DNAH3: variants seen among roughly 807,000 people sequenced by gnomAD.
DNAH3 encodes axonemal beta dynein heavy chain 3.
Under a neutral mutation model 432.5 loss-of-function variants are expected in DNAH3, and 332 were observed. The observed-to-expected ratio is 0.77, with a 90% confidence interval of 0.70 to 0.84. The LOEUF is 0.84. Among genes scored for constraint, DNAH3 ranks in the 40% least tolerant of loss-of-function variants. The pLI is 0.00. For missense variants in DNAH3, 4,861 were observed against 5,114.0 expected (o/e 0.95, Z 1.51); for synonymous variants, 1,956 against 1,900.2 (o/e 1.03, Z -0.76).
chr16:21,051,977 C>CTATTT (rs139853718), intron 28 of DNAH3, 109 bp from the exon 29 acceptor site: 48,261 of 815,126 alleles, frequency 0.059, 2,567 homozygotes, highest in South Asian at 0.1. Flanking sequence ...ATTCTCCAAA[C>CTATTT]TATTTTATTT....
intron 37 of DNAH3, among the ~76,000 whole-genome samples, chr16:21,027,805 G>C (rs992116363): frequency 1.3e-5 from 2 of 152,226 alleles, no homozygotes; most frequent in African/African-American, 4.8e-5. Flanking sequence ...GAAGAATCGA[G>C]AAGTTATCAG....
intron 41 of DNAH3, chr16:21,019,264 C>A: frequency 4.2e-6 from 1 of 236,174 alleles, no homozygotes; most frequent in Non-Finnish European, 8.3e-6. Context: ...TCAAGCAATC[C>A]TCCTGCCTCA....
chr16:21,152,916 C>T (rs1384148428), intron 1 of DNAH3, among the ~76,000 whole-genome samples: 2 of 152,244 alleles, frequency 1.3e-5, no homozygotes. Context: ...CGAGCCTCCC[C>T]GACGAGCGCC....
At chr16:21,155,621 C>CAAA (rs369001374) in intron 1 of DNAH3, among the ~76,000 whole-genome samples, 91 of 76,460 alleles carry the variant, frequency 1.2e-3, no homozygotes, top group African/African-American at 2.3e-3. Context: ...GACTCCGTCT[C>CAAA]AAAAAAAAAA....
At chr16:21,147,353 G>A (rs1597491572) in intron 1 of DNAH3, among the ~76,000 whole-genome samples, 1 of 151,572 alleles carries the variant, frequency 6.6e-6, no homozygotes, top group Non-Finnish European at 1.5e-5. Flanking sequence ...CCAAGAAGCT[G>A]GATGGGTGCC....
intron 27 of DNAH3, among the ~76,000 whole-genome samples, chr16:21,055,922 G>C (rs1179889869): frequency 6.6e-6 from 1 of 152,022 alleles, no homozygotes; most frequent in Non-Finnish European, 1.5e-5. Context: ...ACTATTTGTA[G>C]AGATGGGGTC....
intron 41 of DNAH3, among the ~76,000 whole-genome samples, chr16:21,005,336 TTTCC>T (rs995464196): frequency 1.8e-4 from 25 of 139,200 alleles, no homozygotes; most frequent in African/African-American, 6.2e-4. Context: ...TCCTTCCTTC[TTTCC>T]TTCCTTCCTT....
chr16:20,955,157 CTGGG>C, intron 54 of DNAH3, 100 bp from the exon 55 acceptor site: 1 of 1,236,726 alleles, frequency 8.1e-7, no homozygotes, highest in South Asian at 1.8e-5. Flanking sequence ...ACAGACCAGC[CTGGG>C]TAACATGGTA....
intron 53 of DNAH3, among the ~76,000 whole-genome samples, chr16:20,960,436 A>G (rs765461582): frequency 2.0e-5 from 3 of 152,222 alleles, no homozygotes; most frequent in African/African-American, 7.2e-5. Context: ...CTGCAATCCC[A>G]GCACTTTGGG....
intron 1 of DNAH3, among the ~76,000 whole-genome samples, chr16:21,149,341 C>T (rs1324279718): frequency 6.6e-6 from 1 of 152,152 alleles, no homozygotes; most frequent in Non-Finnish European, 1.5e-5. Context: ...TTATTATCTA[C>T]AAATCCACTT....
chr16:21,021,445 G>A (rs2088215019), intron 40 of DNAH3, among the ~76,000 whole-genome samples: 1 of 151,972 alleles, frequency 6.6e-6, no homozygotes, highest in South Asian at 2.1e-4. Context: ...GGAATGATGG[G>A]GTAATTTGCA....
chr16:21,032,158 T>C (rs1410250694), intron 36 of DNAH3, among the ~76,000 whole-genome samples: 1 of 152,092 alleles, frequency 6.6e-6, no homozygotes, highest in Non-Finnish European at 1.5e-5. Context: ...CTAAGAACCT[T>C]GGCTTTTCAA....
At chr16:20,989,059 G>A (rs908295686) in intron 44 of DNAH3, among the ~76,000 whole-genome samples, 7 of 152,192 alleles carry the variant, frequency 4.6e-5, no homozygotes, top group African/African-American at 9.7e-5. Flanking sequence ...AAGATTTACT[G>A]CAAAGAGCGA....
chr16:20,979,445 T>C (rs774522121), exon 50 of DNAH3: 2 of 1,614,060 alleles, frequency 1.2e-6, no homozygotes, highest in Non-Finnish European at 1.7e-6. Context: ...CAATTCAAGG[T>C]AGGAGGTGGG....
At chr16:21,148,252 G>A (rs757943861) in intron 1 of DNAH3, among the ~76,000 whole-genome samples, 12 of 151,878 alleles carry the variant, frequency 7.9e-5, no homozygotes, top group South Asian at 2.1e-4. Context: ...AACAACAACC[G>A]CAGCAATACT....
Position 21,115,761 on chromosome 16 carries a change from T to TAAATAAAATA in DNAH3, c.1814+1432_1814+1441dup, listed in dbSNP as rs540684299. On this transcript the variant is annotated intron_variant, in intron 12 of 61. Coordinates refer to ENST00000261383, the Ensembl canonical transcript of DNAH3. ...AAAATAAAATAAAAATAAAATAAAATAAATAAAATAAAATAAAATAAAATA... is the reference window on the plus strand; with the variant it reads ...AAAATAAAATAAAAATAAAATAAAATAAATAAAATAAAATAAAATAAAATAAAATAAAATA... 5.3e-5 allele frequency among the ~76,000 whole-genome samples: 8 copies of TAAATAAAATA among 149,810 alleles called. No homozygotes were observed. The East Asian group carries it at 5.9e-4, about 11-fold the overall frequency.
In DNAH3 at chr16:20,980,241, A is replaced by ATATAATATACATTATATAT. The variant is rs2085811772; in HGVS notation, c.7860-696_7860-695insATATATAATGTATATTATA. ...TTTATATTATTTATTTATATTATAT[A>ATATAATATACATTATATAT]TATAATATACATCATATATTATATT... On this transcript the variant is annotated intron_variant, in intron 49 of 61. Transcript: ENST00000261383. Among the ~76,000 whole-genome samples the ATATAATATACATTATATAT allele has an allele frequency of 3.1e-5, 3 of 97,816 alleles. 1 individual carries two copies. Among genetic ancestry groups the ATATAATATACATTATATAT allele is most frequent in the Admixed American group, 1.2e-4 (1 of 8,274 alleles). 64.2% of individuals were successfully genotyped at this position (97,816 alleles called of 152,430 possible). A position where few individuals can be genotyped will look rare whatever the true frequency, so the allele number is the denominator to read the frequency against.
intron 1 of DNAH3, among the ~76,000 whole-genome samples, chr16:21,152,763 C>T (rs1251426182): frequency 1.3e-5 from 2 of 152,260 alleles, no homozygotes; most frequent in Admixed American, 6.5e-5. Flanking sequence ...GGAGGGTGTA[C>T]TGGGTCCCCC....
intron 7 of DNAH3, among the ~76,000 whole-genome samples, chr16:21,133,913 G>A (rs979980543): frequency 6.6e-6 from 1 of 152,118 alleles, no homozygotes; most frequent in Non-Finnish European, 1.5e-5. Flanking sequence ...AAATTTAGAG[G>A]TAAAGGAAGC....
Sources: gnomAD v4.1 joint callset for allele counts (sites outside exome capture counted in the v4.1 genomes callset) on GRCh38, gnomAD v4.1.1 for gene constraint, MANE v1.5 for transcripts, NCBI Gene and HGNC (gene_info 2026-07-23, HGNC 2026-07-21) for gene names.